Variants in ITPR1 observed in about 807,000 individuals in gnomAD.
The protein encoded by ITPR1 is inositol 1,4,5-trisphosphate-gated calcium channel ITPR1.
A neutral mutation model predicts 318.4 loss-of-function variants in ITPR1; 96 were observed. The ratio of observed to expected loss-of-function variants is 0.30; its 90% CI spans 0.26 to 0.36. ITPR1 has a LOEUF of 0.36. Among genes scored for constraint, ITPR1 ranks in the 10% least tolerant of loss-of-function variants. The pLI is 1.00. For synonymous variants in ITPR1, 1,312 were observed against 1,289.9 expected, an observed-to-expected ratio of 1.02 and a Z score of -0.37; for missense variants, 2,440 against 3,460.2, an observed-to-expected ratio of 0.71 and a Z score of 7.40.
intron 4 of ITPR1, among the ~76,000 whole-genome samples, chr3:4,574,313 A>C (rs891231648): frequency 2.7e-5 from 4 of 150,438 alleles, no homozygotes; most frequent in African/African-American, 7.4e-5. Context: ...GCTGCTCCTT[A>C]TTACCTGCAG....
At chr3:4,818,037 C>G (rs966455677) in intron 59 of ITPR1, 45 bp from the exon 60 acceptor site, 3 of 1,526,642 alleles carry the variant, frequency 2.0e-6, no homozygotes. Flanking sequence ...TTTTCTTTAC[C>G]AAGGCTGCTC....
intron 59 of ITPR1, chr3:4,816,252 G>C (rs1403025806): frequency 6.6e-6 from 1 of 152,154 alleles, no homozygotes; most frequent in African/African-American, 2.4e-5. Flanking sequence ...ACCATGCCTC[G>C]TGAGCCTCCG....
intron 4 of ITPR1, among the ~76,000 whole-genome samples, chr3:4,616,474 CTT>C (rs2092392749): frequency 6.6e-6 from 1 of 152,180 alleles, no homozygotes; most frequent in African/African-American, 2.4e-5. Context: ...TCTCTTTCCT[CTT>C]ATCCTTTTCA....
chr3:4,713,116 C>T (rs763204548), intron 39 of ITPR1, among the ~76,000 whole-genome samples: 1 of 152,144 alleles, frequency 6.6e-6, no homozygotes, highest in African/African-American at 2.4e-5. Flanking sequence ...AGGCTGATGG[C>T]AGAGAATACA....
chr3:4,719,135 A>G (rs2041969903), intron 40 of ITPR1, among the ~76,000 whole-genome samples: 2 of 152,202 alleles, frequency 1.3e-5, no homozygotes, highest in South Asian at 4.1e-4. Context: ...GAAAGATTCC[A>G]CAGTTGGAGC....
chr3:4,797,528 G>C, intron 53 of ITPR1, among the ~76,000 whole-genome samples: 1 of 152,260 alleles, frequency 6.6e-6, no homozygotes, highest in East Asian at 1.9e-4. Context: ...CTTTTCAAAA[G>C]TATCACCGCC....
chr3:4,614,435 A>G (rs770056994), intron 4 of ITPR1, among the ~76,000 whole-genome samples: 22 of 152,222 alleles, frequency 1.4e-4, no homozygotes, highest in Non-Finnish European at 2.6e-4. Flanking sequence ...ACTCTGTGCC[A>G]GGATCTGTTT....
intron 4 of ITPR1, among the ~76,000 whole-genome samples, chr3:4,588,009 T>G (rs2090066403): frequency 6.6e-6 from 1 of 152,094 alleles, no homozygotes; most frequent in Admixed American, 6.5e-5. Context: ...TAAGACTGTA[T>G]TGATTTTCCC....
At chr3:4,746,102 A>G (rs1575103150) in intron 44 of ITPR1, among the ~76,000 whole-genome samples, 2 of 152,174 alleles carry the variant, frequency 1.3e-5, no homozygotes, top group African/African-American at 4.8e-5. Context: ...ATTCTTGACC[A>G]CCAGGCTCGA....
At chr3:4,734,637 A>G (rs1417208479) in intron 43 of ITPR1, among the ~76,000 whole-genome samples, 3 of 152,232 alleles carry the variant, frequency 2.0e-5, no homozygotes, top group African/African-American at 7.2e-5. Flanking sequence ...CATCTCCCCC[A>G]TCCCCAGCTC....
intron 2 of ITPR1, among the ~76,000 whole-genome samples, chr3:4,505,850 G>A (rs1187115689): frequency 6.6e-6 from 1 of 152,174 alleles, no homozygotes; most frequent in African/African-American, 2.4e-5. Flanking sequence ...GACATGTTGA[G>A]GTCAGTACAT....
In ITPR1 at chr3:4,652,326, A is replaced by T. The variant is rs6442896; in HGVS notation, c.951+108A>T. ...GTAAAAGGCTTAGGGAAATACACTC[A>T]GTCACCTTGCTTTTCCTCCTGTTTT... On this transcript the variant is annotated intron_variant, in intron 11 of 61. Coordinates refer to ENST00000649015, the MANE Select transcript of ITPR1 (RefSeq NM_001378452.1). 798 of 734,558 alleles carry T rather than the reference A, an allele frequency of 1.1e-3. 1 individual carries two copies. Among genetic ancestry groups the T allele is most frequent in the South Asian group, 1.6e-3 (93 of 58,260 alleles). 45.5% of individuals were successfully genotyped at this position (734,558 alleles called of 1,614,324 possible). A position where few individuals can be genotyped will look rare whatever the true frequency, so the allele number is the denominator to read the frequency against.
At chr3:4,750,894 G>A (rs915477203) in intron 44 of ITPR1, 1 of 152,546 alleles carries the variant, frequency 6.6e-6, no homozygotes, top group African/African-American at 2.4e-5. Flanking sequence ...TGTTTTCTAA[G>A]GTGTGTTTTT....
intron 44 of ITPR1, chr3:4,750,878 A>G (rs932616909): frequency 6.6e-6 from 1 of 152,484 alleles, no homozygotes; most frequent in Non-Finnish European, 1.5e-5. Context: ...CCGGGACATC[A>G]GAAGTTGTTT....
At chr3:4,790,569 C>T (rs1336712190) in intron 52 of ITPR1, among the ~76,000 whole-genome samples, 1 of 152,180 alleles carries the variant, frequency 6.6e-6, no homozygotes, top group Non-Finnish European at 1.5e-5. Flanking sequence ...GAAATGTACT[C>T]ATCGGAAATA....
chr3:4,596,005 G>A (rs1451366152), intron 4 of ITPR1: 1 of 152,182 alleles, frequency 6.6e-6, no homozygotes, highest in Admixed American at 6.5e-5. Context: ...TACCAGAAAT[G>A]AAATCAGATC....
At chr3:4,747,864 G>A (rs116403393) in intron 44 of ITPR1, among the ~76,000 whole-genome samples, 339 of 152,194 alleles carry the variant, frequency 2.2e-3, no homozygotes, top group African/African-American at 7.2e-3. Context: ...TTTGTTTTTC[G>A]CTTGCGTCTA....
At chr3:4,636,329 T>G (rs1236630953) in intron 5 of ITPR1, among the ~76,000 whole-genome samples, 1 of 152,254 alleles carries the variant, frequency 6.6e-6, no homozygotes, top group Non-Finnish European at 1.5e-5. Context: ...TCAGTGGTGA[T>G]GTGAAGGCTC....
intron 5 of ITPR1, among the ~76,000 whole-genome samples, chr3:4,629,066 A>C (rs1239379738): frequency 6.6e-6 from 1 of 152,140 alleles, no homozygotes. Context: ...GAGGACACCT[A>C]AGCTCACTCC....
Sources: gnomAD v4.1 joint callset for allele counts (sites outside exome capture counted in the v4.1 genomes callset) on GRCh38, gnomAD v4.1.1 for gene constraint, MANE v1.5 for transcripts, NCBI Gene and HGNC (gene_info 2026-07-23, HGNC 2026-07-21) for gene names.